Variants in SYT10 observed in about 807,000 individuals in gnomAD.
SYT10 encodes synaptotagmin 10.
A neutral mutation model predicts 51.1 loss-of-function variants in SYT10; 31 were observed. The observed-to-expected ratio is 0.61, with a 90% confidence interval of 0.46 to 0.82. SYT10 has a LOEUF of 0.82. SYT10 is among the 40% of genes least tolerant of loss of function. SYT10 has a pLI of 0.00. For missense variants in SYT10, 603 were observed against 634.0 expected, an observed-to-expected ratio of 0.95 and a Z score of 0.53; for synonymous variants, 233 against 225.9, an observed-to-expected ratio of 1.03 and a Z score of -0.28.
At chr12:33,381,371 A>T (rs1392394285) in intron 5 of SYT10, among the ~76,000 whole-genome samples, 1 of 152,150 alleles carries the variant, frequency 6.6e-6, no homozygotes, top group African/African-American at 2.4e-5. Flanking sequence ...TATAAAATGG[A>T]CACTTAGCGT....
At chr12:33,438,903 G>A (rs1210527589) in intron 1 of SYT10, among the ~76,000 whole-genome samples, 1 of 152,266 alleles carries the variant, frequency 6.6e-6, no homozygotes, top group East Asian at 1.9e-4. Context: ...GTCCAAGCAT[G>A]GCTTGTCCGT....
At position 33,439,093 on chromosome 12, in the gene SYT10, G is replaced by C. The variant is rs190483067; in HGVS notation, c.151+279C>G. Reference sequence around the variant, plus strand: ...GAGATGGGAGGCGTGGGAGAACGCGGAGAGGCGCGGCGAGGCTGGGAGCGG... The same window carrying C: ...GAGATGGGAGGCGTGGGAGAACGCGCAGAGGCGCGGCGAGGCTGGGAGCGG... On this transcript the variant is annotated intron_variant, in intron 1 of 6. Coordinates refer to ENST00000228567, the MANE Select transcript of SYT10 (RefSeq NM_198992.4). Among the ~76,000 whole-genome samples, 9 of 152,384 alleles carry C rather than the reference G, an allele frequency of 5.9e-5. No homozygotes were observed. The East Asian group carries it at 1.5e-3, about 26-fold the overall frequency.
rs1442791403 is a variant in SYT10, at chr12:33,405,903, T to C, written c.1077+886A>G. 6 of 150,972 alleles carry C rather than the reference T, an allele frequency of 4.0e-5. No homozygotes were observed. In the East Asian group the frequency reaches 1.2e-3, roughly 29 times the overall value. 9.4% of individuals were successfully genotyped at this position (150,972 alleles called of 1,614,324 possible). ...CAAAAAAAGAACATAATTTTTCATA[T>C]AACAAAATTTATCCCTAACTTAAGT... On this transcript the variant is annotated intron_variant, in intron 3 of 6. Coordinates refer to ENST00000228567, the MANE Select transcript of SYT10 (RefSeq NM_198992.4).
intron 3 of SYT10, among the ~76,000 whole-genome samples, chr12:33,393,628 A>T (rs1405624079): frequency 6.7e-6 from 1 of 148,300 alleles, no homozygotes; most frequent in East Asian, 1.9e-4. Flanking sequence ...AAGGGAGTCT[A>T]TGGCTCACTT....
intron 1 of SYT10, among the ~76,000 whole-genome samples, chr12:33,435,865 A>G (rs1427261758): frequency 6.6e-6 from 1 of 152,180 alleles, no homozygotes; most frequent in Non-Finnish European, 1.5e-5. Flanking sequence ...TTTCCCATAT[A>G]CCTACTTTTA....
At chr12:33,379,683 A>T in intron 6 of SYT10, 149 bp downstream of exon 6, 1 of 1,018,520 alleles carries the variant, frequency 9.8e-7, no homozygotes, top group Non-Finnish European at 1.4e-6. Flanking sequence ...ATTAAATGTT[A>T]GACAATGTGG....
At chr12:33,403,208 C>G (rs1489746184) in intron 3 of SYT10, among the ~76,000 whole-genome samples, 1 of 149,444 alleles carries the variant, frequency 6.7e-6, no homozygotes, top group African/African-American at 2.5e-5. Context: ...TTATATTTGT[C>G]ATTATTGTCT....
intron 3 of SYT10, among the ~76,000 whole-genome samples, chr12:33,390,422 G>A (rs1034918524): frequency 6.6e-6 from 1 of 152,120 alleles, no homozygotes; most frequent in African/African-American, 2.4e-5. Flanking sequence ...TATCTGATGT[G>A]TGGTGGACAC....
chr12:33,417,245 T>A (rs1408131325), intron 2 of SYT10, among the ~76,000 whole-genome samples: 1 of 152,076 alleles, frequency 6.6e-6, no homozygotes, highest in African/African-American at 2.4e-5. Flanking sequence ...GCCTCATGAA[T>A]GGATTAAATC....
Position 33,430,043 on chromosome 12 carries a change from C to T in SYT10, c.152-3548G>A, listed in dbSNP as rs1199152458. ...TAATTAAAAAGAATCCATTACATAGCATTCATCCTATCATATCTGGAAAGA... is the reference window on the plus strand; with the variant it reads ...TAATTAAAAAGAATCCATTACATAGTATTCATCCTATCATATCTGGAAAGA... On this transcript the variant is annotated intron_variant, in intron 1 of 6. Transcript: ENST00000228567. Among the ~76,000 whole-genome samples, 7 of 152,298 alleles carry T rather than the reference C, an allele frequency of 4.6e-5. No homozygotes were observed. The East Asian group carries it at 1.4e-3, about 29-fold the overall frequency.
At chr12:33,419,823 T>C (rs746674966) in intron 2 of SYT10, among the ~76,000 whole-genome samples, 1 of 152,224 alleles carries the variant, frequency 6.6e-6, no homozygotes, top group Non-Finnish European at 1.5e-5. Flanking sequence ...TCTGAGAACA[T>C]ATTATATTAC....
chr12:33,438,668 G>A (rs1866657353), intron 1 of SYT10, among the ~76,000 whole-genome samples: 1 of 152,168 alleles, frequency 6.6e-6, no homozygotes, highest in African/African-American at 2.4e-5. Context: ...GCGTGTGCTA[G>A]GGATTTTAAA....
intron 3 of SYT10, among the ~76,000 whole-genome samples, chr12:33,396,147 A>C (rs1450820205): frequency 1.3e-5 from 2 of 152,140 alleles, no homozygotes; most frequent in Non-Finnish European, 2.9e-5. Context: ...ATGCCCATGA[A>C]CTTTTAAGGT....
intron 3 of SYT10, among the ~76,000 whole-genome samples, chr12:33,403,233 CTTTT>C (rs36045526): frequency 8.6e-5 from 11 of 127,660 alleles, no homozygotes; most frequent in African/African-American, 9.2e-5. Context: ...ATCTGATAGT[CTTTT>C]TTTTTTTTTT....
At chr12:33,378,469 T>C (rs570690267) in intron 6 of SYT10, among the ~76,000 whole-genome samples, 1 of 152,192 alleles carries the variant, frequency 6.6e-6, no homozygotes, top group African/African-American at 2.4e-5. Context: ...TGCAGTTCTA[T>C]TTTTGTTAAA....
At chr12:33,425,136 T>A (rs1413095215) in intron 2 of SYT10, among the ~76,000 whole-genome samples, 2 of 152,284 alleles carry the variant, frequency 1.3e-5, no homozygotes, top group East Asian at 1.9e-4. Flanking sequence ...TTTGATAGAT[T>A]TCTAAACCCT....
chr12:33,421,382 T>C (rs551627269), intron 2 of SYT10, among the ~76,000 whole-genome samples: 58 of 152,342 alleles, frequency 3.8e-4, no homozygotes, highest in Middle Eastern at 3.4e-3. Flanking sequence ...TAAATCTATA[T>C]AATTCCTCAT....
chr12:33,416,102 A>G (rs547721569), intron 2 of SYT10, among the ~76,000 whole-genome samples: 2 of 120,886 alleles, frequency 1.7e-5, no homozygotes, highest in East Asian at 2.2e-4. Flanking sequence ...TGTTGTTGAG[A>G]CAGAGTCTCA....
chr12:33,381,688 T>G (rs1866116650), intron 5 of SYT10, among the ~76,000 whole-genome samples: 1 of 150,270 alleles, frequency 6.7e-6, no homozygotes, highest in Non-Finnish European at 1.5e-5. Flanking sequence ...ACGGGGAGAG[T>G]GGGAGGGCAA....
Sources: gnomAD v4.1 joint callset for allele counts (sites outside exome capture counted in the v4.1 genomes callset) on GRCh38, gnomAD v4.1.1 for gene constraint, MANE v1.5 for transcripts, NCBI Gene and HGNC (gene_info 2026-07-23, HGNC 2026-07-21) for gene names.